The following UNC13C variants were observed in gnomAD, a reference collection of about 807,000 sequenced individuals.
The protein encoded by UNC13C is unc-13 homolog C.
Under a neutral mutation model 245.4 loss-of-function variants are expected in UNC13C, and 174 were observed. That is an observed-to-expected ratio of 0.71 (90% CI 0.63 to 0.80). The LOEUF is 0.80. Ranked by LOEUF, UNC13C falls within the 30% of genes least tolerant of loss-of-function variation. The pLI is 0.00. For missense variants in UNC13C, 2,829 were observed against 2,602.9 expected (o/e 1.09, Z -1.89); for synonymous variants, 992 against 895.1 (o/e 1.11, Z -1.93).
intron 25 of UNC13C, among the ~76,000 whole-genome samples, chr15:54,531,607 A>C (rs955613006): frequency 2.0e-5 from 3 of 152,122 alleles, no homozygotes; most frequent in African/African-American, 7.2e-5. Flanking sequence ...ACAGAATCCA[A>C]ATGAAGAAGG....
intron 10 of UNC13C, among the ~76,000 whole-genome samples, chr15:54,292,786 G>A (rs900473461): frequency 6.6e-6 from 1 of 150,952 alleles, no homozygotes; most frequent in Non-Finnish European, 1.5e-5. Flanking sequence ...TTGTATTGAT[G>A]ACAAAAATGC....
chr15:54,236,235 T>C (rs1263729980), intron 5 of UNC13C, among the ~76,000 whole-genome samples, 195 bp from the exon 6 acceptor site: 1 of 152,232 alleles, frequency 6.6e-6, no homozygotes, highest in Non-Finnish European at 1.5e-5. Context: ...ACTTTGGTTT[T>C]AAAATATGAT....
chr15:54,383,512 C>T (rs2039771941), intron 17 of UNC13C, among the ~76,000 whole-genome samples: 1 of 151,966 alleles, frequency 6.6e-6, no homozygotes, highest in African/African-American at 2.4e-5. Flanking sequence ...ATAGAAATAT[C>T]ATACCTCAAA....
At chr15:54,211,586 C>T (rs954256792) in intron 4 of UNC13C, among the ~76,000 whole-genome samples, 5 of 151,972 alleles carry the variant, frequency 3.3e-5, no homozygotes, top group South Asian at 2.1e-4. Context: ...CATCTAGAAC[C>T]GTGGGCTAGC....
intron 22 of UNC13C, 87 bp downstream of exon 22, chr15:54,501,065 T>C: frequency 2.2e-6 from 3 of 1,357,720 alleles, no homozygotes; most frequent in South Asian, 1.4e-5. Flanking sequence ...GTCTTCTCTG[T>C]CACCCCATCC....
intron 2 of UNC13C, among the ~76,000 whole-genome samples, chr15:54,076,063 C>CTT (rs369248247): frequency 0.012 from 1,515 of 124,786 alleles, 52 homozygotes; most frequent in African/African-American, 0.037. Flanking sequence ...CACTTAGATT[C>CTT]TTTTTTTTTT....
At chr15:53,972,530 G>A in the UNC13C span, 28 of 152,294 alleles carry the variant, frequency 1.8e-4, no homozygotes, top group Admixed American at 1.8e-3. Flanking sequence ...AGGTCTTTCA[G>A]TATGATTCTT....
chr15:54,339,169 A>G (rs2038666863), intron 17 of UNC13C, among the ~76,000 whole-genome samples: 1 of 152,198 alleles, frequency 6.6e-6, no homozygotes. Context: ...CGCCTGGCCT[A>G]TATGTTAATT....
intron 4 of UNC13C, among the ~76,000 whole-genome samples, chr15:54,210,484 C>A (rs768619081): frequency 6.6e-6 from 1 of 151,932 alleles, no homozygotes; most frequent in Non-Finnish European, 1.5e-5. Context: ...TTATAAAAAT[C>A]TCTTCCTTTT....
At chr15:54,128,767 G>T (rs1022228985) in intron 2 of UNC13C, among the ~76,000 whole-genome samples, 98 of 152,278 alleles carry the variant, frequency 6.4e-4, no homozygotes, top group Admixed American at 5.4e-3. Context: ...GGAAATGGCT[G>T]GGAGTTGAGA....
At chr15:54,051,861 C>T (rs1301583493) in intron 2 of UNC13C, among the ~76,000 whole-genome samples, 1 of 146,064 alleles carries the variant, frequency 6.8e-6, no homozygotes, top group Admixed American at 6.9e-5. Context: ...GCTGCACCCA[C>T]TAACTCGTCA....
intron 2 of UNC13C, among the ~76,000 whole-genome samples, chr15:54,126,032 C>T (rs959999707): frequency 6.6e-6 from 1 of 151,904 alleles, no homozygotes; most frequent in Non-Finnish European, 1.5e-5. Context: ...AAAAAATGTT[C>T]AAGTAATCCA....
At chr15:54,252,269 T>C (rs1024203621) in intron 8 of UNC13C, among the ~76,000 whole-genome samples, 3 of 152,200 alleles carry the variant, frequency 2.0e-5, no homozygotes, top group African/African-American at 7.2e-5. Flanking sequence ...AAAGGACAGA[T>C]GCTACCCATT....
At chr15:53,974,405 C>A (rs781677146), upstream of UNC13C, among the ~76,000 whole-genome samples, 15 of 152,190 alleles carry the variant, frequency 9.9e-5, no homozygotes, top group Non-Finnish European at 2.2e-4. Flanking sequence ...CACTCATCAA[C>A]CTACCTTTTA....
At chr15:54,305,342 G>A (rs118145428) in intron 13 of UNC13C, among the ~76,000 whole-genome samples, 3,302 of 152,076 alleles carry the variant, frequency 0.022, 68 homozygotes, top group South Asian at 0.059. Context: ...TTGATTGATC[G>A]TTTTTAAAAA....
intron 10 of UNC13C, among the ~76,000 whole-genome samples, chr15:54,271,318 C>T (rs970121667): frequency 2.0e-5 from 3 of 152,128 alleles, no homozygotes; most frequent in African/African-American, 7.2e-5. Flanking sequence ...TCATATAAAT[C>T]TAAGGTGCTG....
chr15:54,489,311 G>T (rs893034430), intron 19 of UNC13C, among the ~76,000 whole-genome samples: 3 of 152,128 alleles, frequency 2.0e-5, no homozygotes, highest in Admixed American at 6.5e-5. Context: ...CAAAGCCTAT[G>T]TATTTTACTT....
intron 20 of UNC13C, among the ~76,000 whole-genome samples, chr15:54,498,695 A>G (rs1210802743): frequency 6.6e-6 from 1 of 152,162 alleles, no homozygotes; most frequent in Non-Finnish European, 1.5e-5. Flanking sequence ...AAATGTGATG[A>G]ACGGCGTACA....
intron 22 of UNC13C, among the ~76,000 whole-genome samples, chr15:54,506,819 A>G (rs1894495299): frequency 6.6e-6 from 1 of 152,198 alleles, no homozygotes; most frequent in African/African-American, 2.4e-5. Flanking sequence ...TAAGAAAATC[A>G]TATCTACATT....
Sources: allele counts gnomAD v4.1 joint callset (sites outside exome capture counted in the v4.1 genomes callset), GRCh38; gene constraint gnomAD v4.1.1; transcripts MANE v1.5; gene names NCBI Gene and HGNC (gene_info 2026-07-23, HGNC 2026-07-21).